The following HEXA variants were observed in gnomAD, a reference collection of about 807,000 sequenced individuals.
HEXA encodes the protein hexosaminidase subunit alpha, also known as beta-hexosaminidase subunit alpha.
Under a neutral mutation model 73.3 loss-of-function variants are expected in HEXA, and 54 were observed. The ratio of observed to expected loss-of-function variants is 0.74; its 90% CI spans 0.59 to 0.92. The LOEUF is 0.92. Among genes scored for constraint, HEXA ranks in the 40% least tolerant of loss-of-function variants. The pLI is 0.00. For missense variants in HEXA, 649 were observed against 653.0 expected (o/e 0.99, Z 0.07); for synonymous variants, 230 against 246.9 (o/e 0.93, Z 0.64).
rs924112367 is a variant in HEXA at position 72,356,604 on chromosome 15, T to C, written c.267A>G (p.Thr89=). 3 of 1,614,128 alleles carry C rather than the reference T, an allele frequency of 1.9e-6. No homozygotes were observed. Among genetic ancestry groups the C allele is most frequent in the Admixed American group, 1.7e-5 (1 of 60,016 alleles). The part of the protein sequence containing the change: ...PRPYLTGKRH[T]LEKNVLVVSV... ...AGACAACCAACACATTCTTCTCCAGTGTATGCCGTTTCCCTAGGAAGACAG... is the reference window on the plus strand; with the variant it reads ...AGACAACCAACACATTCTTCTCCAGCGTATGCCGTTTCCCTAGGAAGACAG... Residue 89 remains threonine (T), a synonymous_variant, in exon 2 of 14, where the codon ACA becomes ACG. Transcript: ENST00000268097.
chr15:72,372,459 T>C (rs2089006675), intron 1 of HEXA, among the ~76,000 whole-genome samples: 1 of 152,232 alleles, frequency 6.6e-6, no homozygotes, highest in Non-Finnish European at 1.5e-5. Flanking sequence ...ACCATGCTTA[T>C]TAAATGTCTG....
At chr15:72,355,315 C>A in intron 3 of HEXA, 2 of 511,126 alleles carry the variant, frequency 3.9e-6, no homozygotes, top group South Asian at 2.0e-5. Context: ...CACTTGAACT[C>A]AGGAGTTCAA....
rs2088577906 is a variant in HEXA at position 72,343,917 on chromosome 15, T to A, written c.*160A>T. 1.5e-6 allele frequency: 1 copy of A among 647,594 alleles called. No individual in the cohort carries two copies. The highest frequency in any genetic ancestry group is 2.8e-6 in the Non-Finnish European group (1 of 358,170). 40.1% of individuals were successfully genotyped at this position (647,594 alleles called of 1,614,324 possible). A position where few individuals can be genotyped will look rare whatever the true frequency, so the allele number is the denominator to read the frequency against. On this transcript the variant is annotated 3_prime_UTR_variant, in exon 14 of 14. Transcript: ENST00000268097. ...TAGAAAAATGCCACATTACTCTTTA[T>A]TGAATGCGAGCGCCAGCACCGGCCC...
intron 3 of HEXA, chr15:72,354,800 G>A (rs945422120): frequency 2.6e-5 from 4 of 152,302 alleles, no homozygotes. Flanking sequence ...AAGTGGGAGA[G>A]ATATTTGGCT....
At position 72,353,087 on chromosome 15, in the gene HEXA, G is replaced by A. The variant is rs911398032; in HGVS notation, c.551C>T (p.Ser184Phe). 3 of 1,611,272 alleles carry A rather than the reference G, an allele frequency of 1.9e-6. No individual in the cohort carries two copies. Among genetic ancestry groups the A allele is most frequent in the Middle Eastern group, 1.7e-4 (1 of 6,058 alleles). Residue 184 changes from serine (S) to phenylalanine (F), a missense_variant, in exon 5 of 14, where the codon TCT becomes TTT. Coordinates refer to ENST00000268097, the MANE Select transcript of HEXA (RefSeq NM_000520.6). ...LDTSRHYLPL[S>F]SILDTLDVMA... is the part of the protein sequence containing the mutation. ...GGTTACCAGAGTGTCCAGGATGCTA[G>A]AGAGTGGCAGGTAATGGCGAGATGT...
At chr15:72,374,096 A>G (rs2089027093) in intron 1 of HEXA, among the ~76,000 whole-genome samples, 1 of 46,330 alleles carries the variant, frequency 2.2e-5, no homozygotes, top group Non-Finnish European at 1.6e-4. Flanking sequence ...CTTATAATTC[A>G]CTGTGTACCT....
chr15:72,354,569 T>G (rs1318147617), intron 3 of HEXA: 1 of 152,326 alleles, frequency 6.6e-6, no homozygotes, highest in East Asian at 1.9e-4. Context: ...TTCTCCCCAC[T>G]CTGACTCTGA....
intron 1 of HEXA, among the ~76,000 whole-genome samples, chr15:72,366,237 C>T (rs2088914231): frequency 6.6e-6 from 1 of 152,136 alleles, no homozygotes; most frequent in Non-Finnish European, 1.5e-5. Flanking sequence ...TGGTTCATGT[C>T]ATCCAGCTGT....
chr15:72,348,997 GCTAAGCAGCCCCT>G, intron 8 of HEXA, 69 bp downstream of exon 8: 1 of 1,145,580 alleles, frequency 8.7e-7, no homozygotes, highest in South Asian at 1.2e-5. Context: ...CAGCAGCTGA[GCTAAGCAGCCCCT>G]CGGGTGCTAA....
intron 1 of HEXA, among the ~76,000 whole-genome samples, chr15:72,369,521 T>C (rs2088960332): frequency 6.6e-6 from 1 of 152,188 alleles, no homozygotes; most frequent in African/African-American, 2.4e-5. Context: ...CTTTTGTTTT[T>C]GTTTCTAGGT....
At chr15:72,371,202 C>G (rs1032686652) in intron 1 of HEXA, among the ~76,000 whole-genome samples, 3 of 152,088 alleles carry the variant, frequency 2.0e-5, no homozygotes, top group Non-Finnish European at 4.4e-5. Flanking sequence ...AAGAGCAGCA[C>G]GAGTTGGGAT....
chr15:72,365,465 C>G (rs1373420874), intron 1 of HEXA, among the ~76,000 whole-genome samples: 2 of 152,108 alleles, frequency 1.3e-5, no homozygotes, highest in African/African-American at 4.8e-5. Context: ...CTCATTTTAT[C>G]CCTTATTTTT....
intron 1 of HEXA, among the ~76,000 whole-genome samples, chr15:72,375,164 C>T (rs571419343): frequency 6.6e-5 from 10 of 151,900 alleles, no homozygotes; most frequent in South Asian, 2.1e-4. Flanking sequence ...TCTCAGCTCA[C>T]CACAACCTCC....
At chr15:72,374,954 G>A (rs559951607) in intron 1 of HEXA, among the ~76,000 whole-genome samples, 1 of 152,118 alleles carries the variant, frequency 6.6e-6, no homozygotes, top group Non-Finnish European at 1.5e-5. Flanking sequence ...CTTCCTGCCT[G>A]GAATACCCTC....
At position 72,375,898 on chromosome 15, in the gene HEXA, G is replaced by C. The variant is rs2089060038; in HGVS notation, c.75C>G (p.Pro25=). The C allele has an allele frequency of 2.5e-6, 4 of 1,614,256 alleles. No individual in the cohort carries two copies. Among genetic ancestry groups the C allele is most frequent in the Admixed American group, 1.7e-5 (1 of 60,034 alleles). ...AFAGRATALW[P]WPQNFQTSDQ... Reference sequence around the variant, plus strand: ...CGGAGGTTTGGAAGTTCTGAGGCCAGGGCCAGAGGGCCGTCGCCCGTCCTG... The same window carrying C: ...CGGAGGTTTGGAAGTTCTGAGGCCACGGCCAGAGGGCCGTCGCCCGTCCTG... The change falls in exon 1 of 14, where the codon CCC becomes CCG. Residue 25 remains proline (P), a synonymous_variant. Coordinates refer to ENST00000268097, the MANE Select transcript of HEXA (RefSeq NM_000520.6).
intron 7 of HEXA, among the ~76,000 whole-genome samples, chr15:72,350,055 C>T (rs142260386): frequency 5.5e-4 from 83 of 152,290 alleles, no homozygotes; most frequent in African/African-American, 1.7e-3. Context: ...TGAGCCACCA[C>T]GCCCGGCCAA....
At position 72,353,745 on chromosome 15, in the gene HEXA, G is replaced by C; in HGVS notation, c.413-8C>G. On this transcript the variant is annotated splice_region_variant and splice_polypyrimidine_tract_variant and intron_variant, in intron 3 of 13. Transcript: ENST00000268097. ...GGCTAAAAGTCTCCAGACCTAGGAA[G>C]ATGTAGAGAGGCAGAGTAAAGACTC... The C allele has an allele frequency of 6.2e-7, 1 of 1,605,168 alleles. No individual in the cohort carries two copies. The highest frequency in any genetic ancestry group is 8.5e-7 in the Non-Finnish European group (1 of 1,171,802).
At position 72,341,134 on chromosome 15, in the gene HEXA, AG is replaced by A. The variant is rs2088551392; in HGVS notation, c.*2942del. 6.6e-6 allele frequency: 1 copy of A among 152,168 alleles called. No homozygotes were observed. The highest frequency in any genetic ancestry group is 2.4e-5 in the African/African-American group (1 of 41,432). 9.4% of individuals were successfully genotyped at this position (152,168 alleles called of 1,614,324 possible). On this transcript the variant is annotated 3_prime_UTR_variant, in exon 14 of 14. Coordinates refer to ENST00000268097, the MANE Select transcript of HEXA (RefSeq NM_000520.6). ...TTAGAGTGCTAGGAATGTTGCCATA[AG>A]GTATGTGTACCTACATTAATACTAA...
intron 6 of HEXA, 199 bp downstream of exon 6, chr15:72,350,934 T>C: frequency 1.6e-6 from 1 of 639,780 alleles, no homozygotes; most frequent in Non-Finnish European, 2.8e-6. Flanking sequence ...GAAGAGATTC[T>C]CTCCTGAAGG....
Sources: allele counts gnomAD v4.1 joint callset (sites outside exome capture counted in the v4.1 genomes callset), GRCh38; gene constraint gnomAD v4.1.1; transcripts MANE v1.5; gene names NCBI Gene and HGNC (gene_info 2026-07-23, HGNC 2026-07-21).